The following CROCC variants were observed in gnomAD, a reference collection of about 807,000 sequenced individuals.
CROCC encodes ciliary rootlet coiled-coil, rootletin.
In CROCC, 180 loss-of-function variants were observed where a neutral mutation model predicts 245.2. The observed-to-expected ratio is 0.73, with a 90% CI of 0.65 to 0.83. CROCC has a LOEUF of 0.83. CROCC is among the 40% of genes least tolerant of loss of function. The pLI, the probability that CROCC is intolerant of heterozygous loss-of-function variation, is 0.00. For missense variants in CROCC, 2,688 were observed against 2,779.4 expected (o/e 0.97, Z 0.74); for synonymous variants, 1,205 against 1,241.6 (o/e 0.97, Z 0.62).
intron 13 of CROCC, chr1:16,941,387 T>A (rs2075928100): frequency 6.6e-6 from 1 of 152,464 alleles, no homozygotes; most frequent in Admixed American, 6.5e-5. Context: ...ATCGTGCCAC[T>A]GCACTCCAGG....
intron 12 of CROCC, 96 bp from the exon 13 acceptor site, chr1:16,939,798 A>G (rs563332977): frequency 7.0e-7 from 1 of 1,422,782 alleles, no homozygotes; most frequent in East Asian, 2.3e-5. Context: ...GACCCCGCCT[A>G]GCGTAGGCTA....
chr1:16,961,212 T>C, intron 27 of CROCC, 82 bp downstream of exon 27: 1 of 1,212,138 alleles, frequency 8.2e-7, no homozygotes, highest in East Asian at 3.5e-5. Context: ...AGGGTGTTTT[T>C]GTTTTTGTTT....
chr1:16,966,605 G>A lies in CROCC; in HGVS notation c.4860+34G>A. On this transcript the variant is annotated intron_variant, in intron 30 of 36. Transcript: ENST00000375541. This position sits in a 1 kb window ranked among gnomAD's most constrained non-coding sequence, Gnocchi z 4.8. ...GAGCTGAGGGCCAGCGGGGCGACGG[G>A]GAATCTGTGTACCCGAGTGAGTGTC... The A allele has an allele frequency of 1.4e-6, 2 of 1,450,972 alleles. No individual in the cohort carries two copies. Among genetic ancestry groups the A allele is most frequent in the Non-Finnish European group, 1.8e-6 (2 of 1,104,458 alleles). The allele number at this position is 1,450,972 out of a possible 1,614,324, so 89.9% of individuals were successfully genotyped here.
At chr1:16,943,241 A>AG (rs1483309284) in intron 13 of CROCC, among the ~76,000 whole-genome samples, 6 of 144,912 alleles carry the variant, frequency 4.1e-5, no homozygotes, top group Non-Finnish European at 9.0e-5. Flanking sequence ...ATGCCGTCTA[A>AG]AAAAAAAAAA....
At chr1:16,965,369 G>A (rs2076400493) in intron 27 of CROCC, among the ~76,000 whole-genome samples, 1 of 152,178 alleles carries the variant, frequency 6.6e-6, no homozygotes, top group Non-Finnish European at 1.5e-5. Flanking sequence ...AGACCCCGCT[G>A]AGGGTGGGAT....
intron 17 of CROCC, 112 bp downstream of exon 17, chr1:16,947,103 G>C: frequency 9.7e-7 from 1 of 1,030,402 alleles, no homozygotes; most frequent in African/African-American, 1.6e-5. Context: ...CCTGCTTCTG[G>C]GTTAAATCCA....
At chr1:16,933,366 C>G (rs1180797129) in intron 8 of CROCC, among the ~76,000 whole-genome samples, 1 of 152,258 alleles carries the variant, frequency 6.6e-6, no homozygotes, top group Non-Finnish European at 1.5e-5. Flanking sequence ...ACTGGGGAGG[C>G]TGAGGCCCCA....
At chr1:16,933,104 C>T (rs2075714292) in intron 8 of CROCC, among the ~76,000 whole-genome samples, 1 of 152,282 alleles carries the variant, frequency 6.6e-6, no homozygotes, top group African/African-American at 2.4e-5. Flanking sequence ...AGCAACCACA[C>T]CTGGTTTAAT....
intron 2 of CROCC, among the ~76,000 whole-genome samples, chr1:16,923,476 T>C (rs1478468414): frequency 6.6e-6 from 1 of 152,242 alleles, no homozygotes; most frequent in East Asian, 1.9e-4. Context: ...TCTCCCAGGG[T>C]AGAAGGGGAA....
intron 13 of CROCC, among the ~76,000 whole-genome samples, chr1:16,943,616 C>G (rs1199271407): frequency 6.6e-6 from 1 of 152,274 alleles, no homozygotes; most frequent in Non-Finnish European, 1.5e-5. Flanking sequence ...CAGCTCATGG[C>G]AAGTCTTTGG....
At chr1:16,971,112 T>C (rs1570726634) in intron 35 of CROCC, 2 of 450,284 alleles carry the variant, frequency 4.4e-6, no homozygotes, top group Non-Finnish European at 7.8e-6. Context: ...GATGTTTTCA[T>C]GCATGGGGGA....
chr1:16,966,693 AC>A lies in CROCC; in HGVS notation c.4860+124del. On this transcript the variant is annotated intron_variant, in intron 30 of 36. Coordinates refer to ENST00000375541, the MANE Select transcript of CROCC (RefSeq NM_014675.5). This position sits in a 1 kb window ranked among gnomAD's most constrained non-coding sequence, Gnocchi z 4.8. ...AGTCTCTCTGCAACCCACTGAGGTG[AC>A]CAGCCTGTGACTCTGTGAAACCATG... is the stretch of plus-strand genomic sequence containing the variant. The A allele has an allele frequency of 8.6e-7, 1 of 1,158,674 alleles. No homozygotes were observed. Among genetic ancestry groups the A allele is most frequent in the Non-Finnish European group, 1.2e-6 (1 of 863,124 alleles). 71.8% of individuals were successfully genotyped at this position (1,158,674 alleles called of 1,614,324 possible). A position where few individuals can be genotyped will look rare whatever the true frequency, so the allele number is the denominator to read the frequency against.
intron 27 of CROCC, among the ~76,000 whole-genome samples, chr1:16,964,529 C>T (rs2076388689): frequency 1.3e-5 from 2 of 152,126 alleles, no homozygotes; most frequent in Admixed American, 6.6e-5. Flanking sequence ...GCTGGGATTA[C>T]AGGCGCCCGC....
chr1:16,920,720 C>G (rs2075385704), upstream of CROCC, among the ~76,000 whole-genome samples: 2 of 151,102 alleles, frequency 1.3e-5, no homozygotes, highest in Admixed American at 6.6e-5. Context: ...GGTCTCAGGG[C>G]CCTGGGATAT....
At chr1:16,926,711 G>A (rs1161385969) in intron 3 of CROCC, among the ~76,000 whole-genome samples, 1 of 152,272 alleles carries the variant, frequency 6.6e-6, no homozygotes, top group African/African-American at 2.4e-5. Flanking sequence ...GCGCAGCTGG[G>A]AATGGAAAGG....
intron 24 of CROCC, 68 bp downstream of exon 24, chr1:16,955,618 C>A (rs557190027): frequency 3.0e-6 from 4 of 1,316,330 alleles, no homozygotes; most frequent in East Asian, 5.0e-5. Flanking sequence ...TAACTTCACC[C>A]CCAACGTTCT....
At chr1:16,953,607 T>C in intron 21 of CROCC, 126 bp downstream of exon 21, 1 of 864,878 alleles carries the variant, frequency 1.2e-6, no homozygotes, top group South Asian at 1.8e-5. Flanking sequence ...GGGCCTCAGT[T>C]TCCTTACCTG....
At chr1:16,915,711 C>A (rs1390757896) in intron 1 of CROCC, among the ~76,000 whole-genome samples, 1 of 152,150 alleles carries the variant, frequency 6.6e-6, no homozygotes, top group Non-Finnish European at 1.5e-5. Context: ...ACTGGAGGGA[C>A]CTCTTTAGCT....
chr1:16,939,873 C>T (rs1308508715), intron 12 of CROCC, 21 bp from the exon 13 acceptor site: 3 of 1,610,876 alleles, frequency 1.9e-6, no homozygotes, highest in African/African-American at 2.7e-5. Context: ...CCCCCAGACT[C>T]TGTGACCCCC....
Sources: gnomAD v4.1 joint callset for allele counts (sites outside exome capture counted in the v4.1 genomes callset) on GRCh38, gnomAD v4.1.1 for gene constraint, Gnocchi (gnomAD v3.1) non-coding constraint, MANE v1.5 for transcripts, NCBI Gene and HGNC (gene_info 2026-07-23, HGNC 2026-07-21) for gene names.